Variants in SLC1A2 observed in about 807,000 individuals in gnomAD.
SLC1A2 encodes the protein excitatory amino acid transporter 2.
A neutral mutation model predicts 48.8 loss-of-function variants in SLC1A2; 15 were observed. The observed-to-expected ratio is 0.31, with a 90% confidence interval of 0.21 to 0.47. The LOEUF (loss-of-function observed/expected upper bound fraction) is 0.47, where lower values mean the gene tolerates loss of function less well. Ranked by LOEUF, SLC1A2 falls within the 20% of genes least tolerant of loss-of-function variation. SLC1A2 has a pLI of 0.99. For synonymous variants in SLC1A2, 279 were observed against 272.6 expected, an observed-to-expected ratio of 1.02 and a Z score of -0.23; for missense variants, 502 against 730.5, an observed-to-expected ratio of 0.69 and a Z score of 3.61.
rs540202222 is a variant in SLC1A2, at chr11:35,287,033, A to C, written c.1092-82T>G. The C allele has an allele frequency of 8.5e-5, 91 of 1,067,378 alleles. 2 individuals are homozygous for C. In the South Asian group the frequency reaches 1.2e-3, roughly 14 times the overall value. 66.1% of individuals were successfully genotyped at this position (1,067,378 alleles called of 1,614,324 possible). A position where few individuals can be genotyped will look rare whatever the true frequency, so the allele number is the denominator to read the frequency against. On this transcript the variant is annotated intron_variant, in intron 7 of 10. Transcript: ENST00000278379. The stretch of plus-strand genomic sequence containing the variant: ...AATGCATAAACTGGAATGCCACTGC[A>C]TCCTTAGTTTTTCTTGTTTTGTGTC...
intron 1 of SLC1A2, among the ~76,000 whole-genome samples, chr11:35,375,853 G>A (rs1032873341): frequency 6.6e-6 from 1 of 152,152 alleles, no homozygotes; most frequent in Non-Finnish European, 1.5e-5. Flanking sequence ...GATCTTCACC[G>A]TGACCCTAAG....
intron 6 of SLC1A2, chr11:35,299,828 G>T (rs1010387092): frequency 6.6e-6 from 1 of 152,238 alleles, no homozygotes; most frequent in African/African-American, 2.4e-5. Flanking sequence ...AAAAGGATCA[G>T]AAGAAGTTTG....
intron 6 of SLC1A2, 108 bp downstream of exon 6, chr11:35,301,411 T>C (rs1486757380): frequency 1.1e-6 from 1 of 942,696 alleles, no homozygotes; most frequent in African/African-American, 1.7e-5. Flanking sequence ...TGGAAAGACA[T>C]TTGATCAGCC....
intron 5 of SLC1A2, among the ~76,000 whole-genome samples, chr11:35,302,049 A>C (rs910347444): frequency 6.6e-6 from 1 of 152,220 alleles, no homozygotes; most frequent in Non-Finnish European, 1.5e-5. Flanking sequence ...CAATATTGGA[A>C]TAGCAGAGGC....
intron 6 of SLC1A2, among the ~76,000 whole-genome samples, chr11:35,293,062 C>T (rs1482035648): frequency 1.3e-5 from 2 of 152,120 alleles, no homozygotes; most frequent in South Asian, 2.1e-4. Context: ...GGTTTTATGA[C>T]TTCTAAGTCT....
intron 9 of SLC1A2, among the ~76,000 whole-genome samples, chr11:35,274,097 A>T (rs1180704518): frequency 6.6e-6 from 1 of 152,248 alleles, no homozygotes; most frequent in Non-Finnish European, 1.5e-5. Flanking sequence ...CTAACATTAC[A>T]TTTTTATTTT....
chr11:35,279,613 T>C (rs1850557195), intron 9 of SLC1A2, among the ~76,000 whole-genome samples: 1 of 152,226 alleles, frequency 6.6e-6, no homozygotes, highest in Non-Finnish European at 1.5e-5. Flanking sequence ...TGGTTATGAT[T>C]CAGCTCAGCT....
chr11:35,386,499 T>C (rs1248287408), intron 1 of SLC1A2, among the ~76,000 whole-genome samples: 1 of 152,236 alleles, frequency 6.6e-6, no homozygotes, highest in East Asian at 1.9e-4. Context: ...AATATGTTAC[T>C]ACTCAGATGG....
chr11:35,284,904 G>T (rs1186541166), intron 8 of SLC1A2, among the ~76,000 whole-genome samples: 1 of 152,174 alleles, frequency 6.6e-6, no homozygotes, highest in Non-Finnish European at 1.5e-5. Flanking sequence ...AGACCCAAAT[G>T]AACACTGCCT....
At chr11:35,360,153 A>C in intron 1 of SLC1A2, 1 of 877,886 alleles carries the variant, frequency 1.1e-6, no homozygotes, top group Non-Finnish European at 1.4e-6. Flanking sequence ...GGGGGCTTTA[A>C]AGTTTACCTA....
chr11:35,337,870 G>T (rs1055501355), intron 1 of SLC1A2, among the ~76,000 whole-genome samples: 1 of 152,102 alleles, frequency 6.6e-6, no homozygotes. Flanking sequence ...GGAATACACT[G>T]CTGACTTATG....
At chr11:35,321,530 G>A (rs1852067634) in intron 1 of SLC1A2, among the ~76,000 whole-genome samples, 1 of 152,064 alleles carries the variant, frequency 6.6e-6, no homozygotes, top group Non-Finnish European at 1.5e-5. Flanking sequence ...CCACCCAGAT[G>A]CACACTCTGG....
intron 9 of SLC1A2, among the ~76,000 whole-genome samples, chr11:35,277,034 G>A (rs917848979): frequency 2.0e-5 from 3 of 152,080 alleles, no homozygotes; most frequent in African/African-American, 7.2e-5. Context: ...ACAAAGAGAG[G>A]GCAAGAAGGG....
At chr11:35,341,923 G>C (rs1485880382) in intron 1 of SLC1A2, among the ~76,000 whole-genome samples, 1 of 152,154 alleles carries the variant, frequency 6.6e-6, no homozygotes, top group Non-Finnish European at 1.5e-5. Flanking sequence ...GAAAGTGTAT[G>C]GACCTGTTAA....
At chr11:35,380,896 T>C (rs7101653) in intron 1 of SLC1A2, among the ~76,000 whole-genome samples, 127,539 of 152,210 alleles carry the variant, frequency 0.84, 53,947 homozygotes, top group East Asian at 0.96. Context: ...GGATTCACAG[T>C]GACTGCTAAA....
intron 1 of SLC1A2, among the ~76,000 whole-genome samples, chr11:35,352,667 A>G (rs896999811): frequency 1.3e-5 from 2 of 152,146 alleles, no homozygotes; most frequent in African/African-American, 4.8e-5. Context: ...AAGCTGTCTC[A>G]GGGCATGCTC....
intron 4 of SLC1A2, among the ~76,000 whole-genome samples, chr11:35,306,635 A>G (rs1172814037): frequency 6.6e-6 from 1 of 152,156 alleles, no homozygotes; most frequent in Non-Finnish European, 1.5e-5. Context: ...AATTCCTTCT[A>G]TCTTTCTGTA....
chr11:35,291,109 G>T (rs1183604507), intron 7 of SLC1A2, among the ~76,000 whole-genome samples: 2 of 152,152 alleles, frequency 1.3e-5, no homozygotes, highest in East Asian at 3.8e-4. Flanking sequence ...ATGAGCTATG[G>T]GTTTCAGAAT....
chr11:35,354,474 A>C (rs7123447), intron 1 of SLC1A2, among the ~76,000 whole-genome samples: 6,730 of 152,052 alleles, frequency 0.044, 411 homozygotes, highest in African/African-American at 0.13. Flanking sequence ...AACTAACTAA[A>C]TAAATAAATA....
Sources: allele counts gnomAD v4.1 joint callset (sites outside exome capture counted in the v4.1 genomes callset), GRCh38; gene constraint gnomAD v4.1.1; transcripts MANE v1.5; gene names NCBI Gene and HGNC (gene_info 2026-07-23, HGNC 2026-07-21).